Variants in MTUS2 observed in about 807,000 individuals in gnomAD.
MTUS2 encodes the protein microtubule associated scaffold protein 2, also known as microtubule-associated tumor suppressor candidate 2.
Under a neutral mutation model 114.1 loss-of-function variants are expected in MTUS2, and 40 were observed. The observed-to-expected ratio is 0.35, with a 90% CI of 0.27 to 0.46. MTUS2 has a LOEUF of 0.46. Among genes scored for constraint, MTUS2 ranks in the 20% least tolerant of loss-of-function variants. The pLI is 1.00. For missense variants in MTUS2, 1,679 were observed against 1,705.4 expected (o/e 0.98, Z 0.27); for synonymous variants, 688 against 672.0 (o/e 1.02, Z -0.37).
At chr13:29,049,525 TCTC>T (rs1389996950) in intron 4 of MTUS2, among the ~76,000 whole-genome samples, 1 of 152,196 alleles carries the variant, frequency 6.6e-6, no homozygotes, top group South Asian at 2.1e-4. Context: ...CGAGGACTGT[TCTC>T]CTCTCTCGTT....
intron 2 of MTUS2, among the ~76,000 whole-genome samples, chr13:28,843,230 T>C (rs992509073): frequency 2.6e-5 from 4 of 152,172 alleles, no homozygotes; most frequent in African/African-American, 9.7e-5. Context: ...TTGGTTGCAA[T>C]TGGTTTCCCA....
chr13:29,475,166 C>T (rs1256329304), intron 9 of MTUS2, among the ~76,000 whole-genome samples: 1 of 152,124 alleles, frequency 6.6e-6, no homozygotes, highest in Non-Finnish European at 1.5e-5. Flanking sequence ...AAGGTGGTCC[C>T]ACAAGATTAT....
At chr13:29,094,586 T>G (rs1055953075) in intron 4 of MTUS2, among the ~76,000 whole-genome samples, 2 of 152,102 alleles carry the variant, frequency 1.3e-5, no homozygotes, top group African/African-American at 4.8e-5. Flanking sequence ...CTTGGCTGGC[T>G]CAGCTAAAGG....
At chr13:29,432,031 T>TTTTTTC (rs1566196602) in intron 8 of MTUS2, among the ~76,000 whole-genome samples, 1 of 145,872 alleles carries the variant, frequency 6.9e-6, no homozygotes. Flanking sequence ...TTTTTTTTTT[T>TTTTTTC]TGGCAGAGCT....
chr13:29,045,367 T>G (rs749748080), intron 4 of MTUS2, among the ~76,000 whole-genome samples: 7 of 152,150 alleles, frequency 4.6e-5, no homozygotes, highest in South Asian at 4.1e-4. Context: ...ATTATTGCTG[T>G]CTTATTTCCT....
At chr13:29,487,752 TC>T (rs1566232113) in intron 10 of MTUS2, 147 bp from the exon 11 acceptor site, 5 of 676,234 alleles carry the variant, frequency 7.4e-6, no homozygotes, top group African/African-American at 7.1e-5. Context: ...GGCTGCCACA[TC>T]ACCACCAAAG....
chr13:29,311,846 T>G (rs1718143805), intron 6 of MTUS2, among the ~76,000 whole-genome samples: 1 of 152,178 alleles, frequency 6.6e-6, no homozygotes, highest in Admixed American at 6.5e-5. Context: ...AGCCTCCAGT[T>G]GGAGTTTCAG....
intron 9 of MTUS2, among the ~76,000 whole-genome samples, chr13:29,445,748 CA>C (rs112602672): frequency 2.7e-5 from 4 of 148,606 alleles, no homozygotes; most frequent in Admixed American, 6.7e-5. Flanking sequence ...ACTAAAAATA[CA>C]AAAAAAAAAT....
At chr13:28,920,618 TG>T (rs1302338901) in intron 2 of MTUS2, among the ~76,000 whole-genome samples, 1 of 152,194 alleles carries the variant, frequency 6.6e-6, no homozygotes, top group Non-Finnish European at 1.5e-5. Context: ...TAAACCGAGC[TG>T]GGTTTGTGTC....
chr13:29,039,320 C>T (rs180920222), intron 4 of MTUS2, among the ~76,000 whole-genome samples: 5 of 152,352 alleles, frequency 3.3e-5, no homozygotes, highest in African/African-American at 9.6e-5. Context: ...CCGAAGTCTG[C>T]GGCTGGGGCC....
chr13:28,981,625 G>C (rs923219743), intron 2 of MTUS2, among the ~76,000 whole-genome samples: 2 of 152,216 alleles, frequency 1.3e-5, no homozygotes, highest in African/African-American at 4.8e-5. Context: ...TGTTTCCCTT[G>C]AGCTCTGGGA....
chr13:28,918,066 C>A (rs145051694), intron 2 of MTUS2, among the ~76,000 whole-genome samples: 1 of 151,582 alleles, frequency 6.6e-6, no homozygotes, highest in Non-Finnish European at 1.5e-5. Context: ...TATTTTCGAA[C>A]GCTGTAAGAC....
At chr13:29,000,567 T>C (rs1885339640) in intron 2 of MTUS2, among the ~76,000 whole-genome samples, 1 of 152,178 alleles carries the variant, frequency 6.6e-6, no homozygotes, top group South Asian at 2.1e-4. Flanking sequence ...GGCTTCGCCA[T>C]GTTGTCCAGG....
At chr13:28,876,809 T>C (rs1164416716) in intron 2 of MTUS2, among the ~76,000 whole-genome samples, 2 of 152,138 alleles carry the variant, frequency 1.3e-5, no homozygotes, top group African/African-American at 4.8e-5. Context: ...GATCAAACAA[T>C]GTTCCTTATC....
At chr13:29,319,262 G>A (rs1195725987) in intron 6 of MTUS2, among the ~76,000 whole-genome samples, 2 of 152,166 alleles carry the variant, frequency 1.3e-5, no homozygotes. Context: ...AAGGGCAGAG[G>A]GATTTTGGGC....
At chr13:28,917,517 C>G (rs1880811181) in intron 2 of MTUS2, among the ~76,000 whole-genome samples, 1 of 150,212 alleles carries the variant, frequency 6.7e-6, no homozygotes, top group Non-Finnish European at 1.5e-5. Flanking sequence ...GAATTTATCT[C>G]ATAGTAGCCA....
chr13:29,303,996 G>T (rs1899323412), intron 6 of MTUS2, among the ~76,000 whole-genome samples: 1 of 152,156 alleles, frequency 6.6e-6, no homozygotes, highest in Non-Finnish European at 1.5e-5. Context: ...CATTCTTAAA[G>T]AAAAGAATGT....
At chr13:29,329,566 T>A (rs1417933314) in intron 7 of MTUS2, among the ~76,000 whole-genome samples, 1 of 152,024 alleles carries the variant, frequency 6.6e-6, no homozygotes, top group Admixed American at 6.6e-5. Flanking sequence ...TGATTCCAAG[T>A]CTTTGCTATT....
In MTUS2 at chr13:29,503,518, A is replaced by G. The variant is rs993673242; in HGVS notation, c.*312A>G. 1.4e-5 allele frequency: 7 copies of G among 509,790 alleles called. No homozygotes were observed. Among genetic ancestry groups the G allele is most frequent in the African/African-American group, 1.1e-4 (6 of 52,622 alleles). The allele number at this position is 509,790 out of a possible 1,614,324, so 31.6% of individuals were successfully genotyped here. A position where few individuals can be genotyped will look rare whatever the true frequency, so the allele number is the denominator to read the frequency against. ...GTTAGTTACAAAAAGCTCAGTTTTC[A>G]ATATACATTGAATAATCATTGTGTA... On this transcript the variant is annotated 3_prime_UTR_variant, in exon 16 of 16. Coordinates refer to ENST00000612955, the MANE Select transcript of MTUS2 (RefSeq NM_001033602.4).
Sources: gnomAD v4.1 joint callset for allele counts (sites outside exome capture counted in the v4.1 genomes callset) on GRCh38, gnomAD v4.1.1 for gene constraint, MANE v1.5 for transcripts, NCBI Gene and HGNC (gene_info 2026-07-23, HGNC 2026-07-21) for gene names.